Variants in CELF2 observed in about 807,000 individuals in gnomAD.
The protein encoded by CELF2 is CUG triplet repeat RNA-binding protein 2.
A neutral mutation model predicts 62.6 loss-of-function variants in CELF2; 8 were observed. The observed-to-expected ratio is 0.13, with a 90% confidence interval of 0.07 to 0.23. The LOEUF is 0.23. Ranked by LOEUF, CELF2 falls within the 10% of genes least tolerant of loss-of-function variation. CELF2 has a pLI of 1.00. For synonymous variants in CELF2, 258 were observed against 250.0 expected (o/e 1.03, Z -0.30); for missense variants, 333 against 671.0 (o/e 0.50, Z 5.56).
chr10:10,642,574 A>G, the CELF2 span, among the ~76,000 whole-genome samples: 10 of 152,240 alleles, frequency 6.6e-5, no homozygotes, highest in Non-Finnish European at 1.5e-4. Flanking sequence ...ATCTCTAAGA[A>G]GATAGCTGCA....
chr10:10,536,208 T>C, the CELF2 span, among the ~76,000 whole-genome samples: 13 of 152,022 alleles, frequency 8.6e-5, no homozygotes, highest in Non-Finnish European at 1.6e-4. Context: ...TTAGTAGAGA[T>C]GGGGTTTCAT....
the CELF2 span, among the ~76,000 whole-genome samples, chr10:10,505,905 C>G: frequency 1.3e-5 from 2 of 152,146 alleles, no homozygotes; most frequent in Non-Finnish European, 2.9e-5. Context: ...GAACTCATCA[C>G]CATGTTATCT....
chr10:10,665,762 A>ATT, the CELF2 span, among the ~76,000 whole-genome samples: 1 of 152,216 alleles, frequency 6.6e-6, no homozygotes, highest in Admixed American at 6.5e-5. Flanking sequence ...GCTCCAGGAG[A>ATT]TGGAGTTAGA....
intron 1 of CELF2, among the ~76,000 whole-genome samples, chr10:11,021,638 A>G (rs765842624): frequency 6.6e-6 from 1 of 152,224 alleles, no homozygotes; most frequent in Non-Finnish European, 1.5e-5. Flanking sequence ...TCTAATCTGC[A>G]GGGTGGATAT....
At chr10:10,615,606 T>C in the CELF2 span, among the ~76,000 whole-genome samples, 3 of 152,110 alleles carry the variant, frequency 2.0e-5, no homozygotes, top group Non-Finnish European at 4.4e-5. Context: ...TGAGAGGTGA[T>C]TGGACCACGG....
intron 1 of CELF2, among the ~76,000 whole-genome samples, chr10:11,134,123 G>A (rs987064531): frequency 2.0e-5 from 3 of 152,124 alleles, no homozygotes; most frequent in Non-Finnish European, 4.4e-5. Context: ...GAAGAGGATC[G>A]CCGTCCTTCC....
chr10:11,185,884 A>G (rs1325169774), intron 2 of CELF2, among the ~76,000 whole-genome samples: 3 of 152,184 alleles, frequency 2.0e-5, no homozygotes, highest in East Asian at 1.9e-4. Flanking sequence ...TCTCCTCTTC[A>G]GTTTCCTGGA....
the CELF2 span, among the ~76,000 whole-genome samples, chr10:10,480,005 T>C: frequency 6.6e-6 from 1 of 152,168 alleles, no homozygotes; most frequent in Non-Finnish European, 1.5e-5. Context: ...CAAGTGGAGA[T>C]TTAGCCTGGC....
At chr10:11,184,658 G>T (rs1349808699) in intron 2 of CELF2, among the ~76,000 whole-genome samples, 3 of 152,098 alleles carry the variant, frequency 2.0e-5, no homozygotes, top group Non-Finnish European at 2.9e-5. Flanking sequence ...ATTTTCCGTG[G>T]TCTTCTAACT....
In CELF2 at chr10:11,285,741, A is replaced by G. The variant is rs1434310103; in HGVS notation, c.842-2677A>G. ...TAGCTCTGTACAGACAATACTCTTC[A>G]GAGCAATTTATGTAAATGTCAAACT... On this transcript the variant is annotated intron_variant, in intron 8 of 12. Coordinates refer to ENST00000633077, the MANE Select transcript of CELF2 (RefSeq NM_001326342.2). This position sits in a 1 kb window ranked among gnomAD's most constrained non-coding sequence, Gnocchi z 4.3. Among the ~76,000 whole-genome samples, 1 of 152,186 alleles carries G rather than the reference A, an allele frequency of 6.6e-6. No homozygotes were observed.
intron 2 of CELF2, among the ~76,000 whole-genome samples, chr10:10,980,222 C>T (rs1380976369): frequency 6.6e-6 from 1 of 152,212 alleles, no homozygotes; most frequent in Non-Finnish European, 1.5e-5. Context: ...TTCTTTTCTC[C>T]TGTCTTCCGC....
chr10:10,692,465 T>C, the CELF2 span, among the ~76,000 whole-genome samples: 3 of 147,880 alleles, frequency 2.0e-5, no homozygotes, highest in Non-Finnish European at 4.5e-5. Context: ...TTTGTTCTTT[T>C]GGCTTAGGAT....
the CELF2 span, among the ~76,000 whole-genome samples, chr10:10,486,765 G>A: frequency 6.6e-6 from 1 of 152,108 alleles, no homozygotes; most frequent in Non-Finnish European, 1.5e-5. Context: ...AAGTAATCTA[G>A]ATAAACATTC....
chr10:10,904,382 A>G (rs1377335857), intron 1 of CELF2, among the ~76,000 whole-genome samples: 4 of 152,058 alleles, frequency 2.6e-5, no homozygotes, highest in Middle Eastern at 3.4e-3. Flanking sequence ...ATGTGTCACC[A>G]TGCCTGATAA....
At chr10:10,524,706 G>A in the CELF2 span, among the ~76,000 whole-genome samples, 2 of 152,064 alleles carry the variant, frequency 1.3e-5, no homozygotes, top group Non-Finnish European at 2.9e-5. Context: ...TATCATAGCA[G>A]TATTCAAATG....
At chr10:10,754,944 A>G in the CELF2 span, among the ~76,000 whole-genome samples, 1 of 152,204 alleles carries the variant, frequency 6.6e-6, no homozygotes, top group Non-Finnish European at 1.5e-5. Flanking sequence ...ATTGCTTTTT[A>G]AAACTTAGAT....
the CELF2 span, among the ~76,000 whole-genome samples, chr10:10,761,875 A>G: frequency 2.0e-5 from 3 of 149,320 alleles, no homozygotes; most frequent in Non-Finnish European, 4.4e-5. Flanking sequence ...CAGCCTCTCT[A>G]ATTACATGAG....
chr10:10,614,871 G>T, the CELF2 span, among the ~76,000 whole-genome samples: 1 of 152,078 alleles, frequency 6.6e-6, no homozygotes, highest in Non-Finnish European at 1.5e-5. Flanking sequence ...AACAGACACA[G>T]GAAAGAGCAA....
At chr10:10,814,526 C>T (rs2056264135) in intron 1 of CELF2, among the ~76,000 whole-genome samples, 1 of 152,152 alleles carries the variant, frequency 6.6e-6, no homozygotes, top group Non-Finnish European at 1.5e-5. Flanking sequence ...CCGTAGTATC[C>T]CAGAGAAGCC....
Sources: allele counts gnomAD v4.1 joint callset (sites outside exome capture counted in the v4.1 genomes callset), GRCh38; gene constraint gnomAD v4.1.1; non-coding constraint Gnocchi (gnomAD v3.1); transcripts MANE v1.5; gene names NCBI Gene and HGNC (gene_info 2026-07-23, HGNC 2026-07-21).